Variants in ANXA3 observed in about 807,000 individuals in gnomAD.
ANXA3 encodes the protein 35-alpha calcimedin.
A neutral mutation model predicts 48.8 loss-of-function variants in ANXA3; 46 were observed. That is an observed-to-expected ratio of 0.94 (90% confidence interval 0.74 to 1.21). The LOEUF (loss-of-function observed/expected upper bound fraction) is 1.21, where lower values mean the gene tolerates loss of function less well. Ranked by LOEUF, ANXA3 falls within the 50% of genes most tolerant of loss-of-function variation. The pLI is 0.00. For missense variants in ANXA3, 383 were observed against 378.6 expected (o/e 1.01, Z -0.10); for synonymous variants, 128 against 134.7 (o/e 0.95, Z 0.35).
In ANXA3 at chr4:78,610,095, A is replaced by G. The variant is rs1232085606; in HGVS notation, c.952A>G (p.Ile318Val). The G allele has an allele frequency of 6.2e-7, 1 of 1,611,074 alleles. No individual in the cohort carries two copies. Among genetic ancestry groups the G allele is most frequent in the Non-Finnish European group, 8.5e-7 (1 of 1,178,274 alleles). The change falls in exon 13 of 13, where the codon ATC becomes GTC. Residue 318 changes from isoleucine (I) to valine (V), a missense_variant. Ile to Val is a conservative substitution (Grantham distance 29). Coordinates refer to ENST00000264908, the MANE Select transcript of ANXA3 (RefSeq NM_005139.3). ...SGDYEITLLKICGGDD is the reference protein window; with the variant it reads ...SGDYEITLLKVCGGDD ...AGACTATGAAATCACACTCTTAAAAATCTGTGGTGGAGATGACTGAACCAA... is the reference window on the plus strand; with the variant it reads ...AGACTATGAAATCACACTCTTAAAAGTCTGTGGTGGAGATGACTGAACCAA...
chr4:78,582,994 C>T (rs190844743), intron 5 of ANXA3, among the ~76,000 whole-genome samples: 126 of 152,240 alleles, frequency 8.3e-4, no homozygotes, highest in African/African-American at 2.9e-3. Context: ...TTATATCAGT[C>T]AGGGTTCCCT....
chr4:78,569,413 G>A (rs1722794388), intron 2 of ANXA3, among the ~76,000 whole-genome samples: 1 of 152,202 alleles, frequency 6.6e-6, no homozygotes, highest in Non-Finnish European at 1.5e-5. Flanking sequence ...TTGCAGTGGA[G>A]CAGGCAATGC....
rs565084360 is a variant in ANXA3 at position 78,583,007 on chromosome 4, G to A, written c.312+717G>A. Among the ~76,000 whole-genome samples the A allele has an allele frequency of 9.2e-5, 14 of 152,196 alleles. No homozygotes were observed. The East Asian group carries it at 2.5e-3, about 27-fold the overall frequency. ...ATTTATATCAGTCAGGGTTCCCTCA[G>A]AGAAGCAGAACCAATAGGCAGGACA... On this transcript the variant is annotated intron_variant, in intron 5 of 12. Transcript: ENST00000264908.
chr4:78,607,418 G>C (rs1723672789), intron 12 of ANXA3, among the ~76,000 whole-genome samples: 2 of 152,180 alleles, frequency 1.3e-5, no homozygotes, highest in South Asian at 4.2e-4. Flanking sequence ...TTTGTCCATT[G>C]ACACCTTTCT....
intron 6 of ANXA3, among the ~76,000 whole-genome samples, chr4:78,588,316 C>G (rs912998711): frequency 6.6e-6 from 1 of 152,008 alleles, no homozygotes; most frequent in Non-Finnish European, 1.5e-5. Flanking sequence ...TCACTTGAGT[C>G]TAAGAGATTG....
intron 10 of ANXA3, among the ~76,000 whole-genome samples, chr4:78,599,064 T>C (rs548488466): frequency 2.0e-5 from 3 of 152,352 alleles, no homozygotes; most frequent in African/African-American, 7.2e-5. Flanking sequence ...GTTCAAAATA[T>C]GTTACACTTT....
rs568701695 is a variant in ANXA3, at chr4:78,593,625, C to CATTATTATTATT, written c.484-1740_484-1729dup. On this transcript the variant is annotated intron_variant, in intron 7 of 12. Transcript: ENST00000264908. ...CTATTCTACTCTCTCCTTTCCTTTC[C>CATTATTATTATT]ATTATTATTATTATTATTATTATTA... Among the ~76,000 whole-genome samples, 187 of 146,996 alleles carry CATTATTATTATT rather than the reference C, an allele frequency of 1.3e-3. 2 individuals are homozygous for CATTATTATTATT. Among genetic ancestry groups the CATTATTATTATT allele is most frequent in the African/African-American group, 4.4e-3 (174 of 39,274 alleles).
intron 5 of ANXA3, among the ~76,000 whole-genome samples, chr4:78,583,930 A>G (rs1723122664): frequency 6.6e-6 from 1 of 152,244 alleles, no homozygotes; most frequent in African/African-American, 2.4e-5. Context: ...TGTTTGATTG[A>G]ATAAGTGGCA....
At chr4:78,588,465 C>T (rs1445633997) in intron 6 of ANXA3, among the ~76,000 whole-genome samples, 1 of 152,174 alleles carries the variant, frequency 6.6e-6, no homozygotes, top group Non-Finnish European at 1.5e-5. Context: ...AGGATTCATG[C>T]AGGTTATAAC....
At chr4:78,562,784 GGGT>G (rs1265075813) in intron 2 of ANXA3, among the ~76,000 whole-genome samples, 1 of 152,148 alleles carries the variant, frequency 6.6e-6, no homozygotes, top group Non-Finnish European at 1.5e-5. Context: ...ATATGATGGG[GGGT>G]GTGATTTTCT....
chr4:78,604,068 TG>T, intron 11 of ANXA3: 1 of 428,950 alleles, frequency 2.3e-6, no homozygotes, highest in Non-Finnish European at 4.0e-6. Context: ...ATCTCATCTC[TG>T]CTTTGCAGCA....
In ANXA3 at chr4:78,579,079, G is replaced by A; in HGVS notation, c.156G>A (p.Gln52=). The change falls in exon 4 of 13, where the codon CAG becomes CAA. Residue 52 remains glutamine, a synonymous_variant. Transcript: ENST00000264908. ...ISILTERSNA[Q]RQLIVKEYQA... ...TTCTGACTGAGAGGTCAAATGCACA[G>A]CGGCAGCTGATTGTTAAGGAATATC... 6.2e-7 allele frequency: 1 copy of A among 1,612,342 alleles called. No homozygotes were observed. Among genetic ancestry groups the A allele is most frequent in the Non-Finnish European group, 8.5e-7 (1 of 1,178,642 alleles).
chr4:78,586,255 T>G lies in ANXA3; in HGVS notation c.313-5T>G. The G allele has an allele frequency of 6.2e-7, 1 of 1,611,352 alleles. No individual in the cohort carries two copies. The highest frequency in any genetic ancestry group is 8.5e-7 in the Non-Finnish European group (1 of 1,178,880). ...CTAAAAATTAGATTTTCTTTTCCTT[T>G]TTAGGGCGCGGGAACAAACGAAGAT... On this transcript the variant is annotated splice_region_variant and splice_polypyrimidine_tract_variant and intron_variant, in intron 5 of 12. Coordinates refer to ENST00000264908, the MANE Select transcript of ANXA3 (RefSeq NM_005139.3).
At chr4:78,572,277 G>A (rs1722854028) in intron 2 of ANXA3, among the ~76,000 whole-genome samples, 2 of 152,150 alleles carry the variant, frequency 1.3e-5, no homozygotes, top group Admixed American at 1.3e-4. Flanking sequence ...CTGAGATATG[G>A]GGTAGATATC....
chr4:78,556,455 A>C (rs988963129), intron 2 of ANXA3, among the ~76,000 whole-genome samples: 2 of 152,220 alleles, frequency 1.3e-5, no homozygotes, highest in Non-Finnish European at 2.9e-5. Context: ...TGGAATTGTG[A>C]GAAAGGAATT....
intron 2 of ANXA3, among the ~76,000 whole-genome samples, chr4:78,560,809 C>G (rs1391403883): frequency 2.0e-5 from 3 of 152,082 alleles, no homozygotes; most frequent in Non-Finnish European, 4.4e-5. Context: ...TCAGGAAATT[C>G]CAAGGGTTTT....
intron 2 of ANXA3, among the ~76,000 whole-genome samples, chr4:78,560,470 C>T (rs182839272): frequency 6.6e-6 from 1 of 152,296 alleles, no homozygotes; most frequent in East Asian, 1.9e-4. Flanking sequence ...GGTCCTGGAC[C>T]CAGAGCCTCC....
chr4:78,559,760 CT>C (rs1304791844), intron 2 of ANXA3, among the ~76,000 whole-genome samples: 1 of 152,160 alleles, frequency 6.6e-6, no homozygotes, highest in Non-Finnish European at 1.5e-5. Context: ...TCTTTCTCTA[CT>C]TCAGTTTCCT....
At chr4:78,551,944 G>T (rs1722394957) in intron 1 of ANXA3, 85 bp downstream of exon 1, 1 of 152,278 alleles carries the variant, frequency 6.6e-6, no homozygotes, top group African/African-American at 2.4e-5. Context: ...GCGGCGCCTC[G>T]CCCAGTTCCC....
Sources: gnomAD v4.1 joint callset for allele counts (sites outside exome capture counted in the v4.1 genomes callset) on GRCh38, gnomAD v4.1.1 for gene constraint, MANE v1.5 for transcripts, NCBI Gene and HGNC (gene_info 2026-07-23, HGNC 2026-07-21) for gene names.